CTNNA1: variants seen among roughly 807,000 people sequenced by gnomAD.
The protein encoded by CTNNA1 is catenin alpha-1.
In CTNNA1, 37 loss-of-function variants were observed where a neutral mutation model predicts 98.4. The ratio of observed to expected loss-of-function variants is 0.38; its 90% CI spans 0.29 to 0.49. The LOEUF (loss-of-function observed/expected upper bound fraction) is 0.49. Among genes scored for constraint, CTNNA1 ranks in the 20% least tolerant of loss-of-function variants. The pLI, the probability that CTNNA1 is intolerant of heterozygous loss-of-function variation, is 0.95. For missense variants in CTNNA1, 761 were observed against 1,147.2 expected, an observed-to-expected ratio of 0.66 and a Z score of 4.86; for synonymous variants, 404 against 413.2, an observed-to-expected ratio of 0.98 and a Z score of 0.27.
intron 7 of CTNNA1, among the ~76,000 whole-genome samples, chr5:138,839,049 GC>G (rs1485896578): frequency 6.6e-6 from 1 of 152,052 alleles, no homozygotes; most frequent in Admixed American, 6.5e-5. Flanking sequence ...AGATTTTCTT[GC>G]TATGTTTCTG....
chr5:138,854,110 A>G (rs1344214158), intron 7 of CTNNA1, among the ~76,000 whole-genome samples: 1 of 152,198 alleles, frequency 6.6e-6, no homozygotes, highest in Admixed American at 6.5e-5. Flanking sequence ...CATCTGCAAG[A>G]CTTTCGTACT....
intron 7 of CTNNA1, 70 bp downstream of exon 7, chr5:138,827,788 T>C: frequency 6.4e-7 from 1 of 1,567,804 alleles, no homozygotes; most frequent in Non-Finnish European, 8.7e-7. Flanking sequence ...ATGTTGGATC[T>C]GAGATGTTTT....
intron 1 of CTNNA1, among the ~76,000 whole-genome samples, chr5:138,778,886 GTT>G (rs112862618): frequency 2.0e-5 from 3 of 148,418 alleles, no homozygotes; most frequent in African/African-American, 7.4e-5. Flanking sequence ...TCAAAGTTAC[GTT>G]TTTTTTTTGA....
chr5:138,850,895 A>T (rs28363429), intron 7 of CTNNA1, among the ~76,000 whole-genome samples: 287 of 152,366 alleles, frequency 1.9e-3, no homozygotes, highest in African/African-American at 6.7e-3. Context: ...GATTGATATT[A>T]GTTTCTGCTT....
intron 9 of CTNNA1, among the ~76,000 whole-genome samples, chr5:138,903,146 GT>G (rs1312735400): frequency 6.6e-6 from 1 of 152,054 alleles, no homozygotes; most frequent in Non-Finnish European, 1.5e-5. Context: ...ACATTTTTAT[GT>G]TTAAATTGCA....
At chr5:138,825,482 G>GTTTTCTTTTTTTTTT (rs1760581190) in intron 6 of CTNNA1, among the ~76,000 whole-genome samples, 1 of 74,114 alleles carries the variant, frequency 1.3e-5, no homozygotes, top group South Asian at 5.3e-4. Context: ...AGCAGTATAA[G>GTTTTCTTTTTTTTTT]TTTTTTTTTT....
chr5:138,836,443 T>G (rs1307531657), intron 7 of CTNNA1, among the ~76,000 whole-genome samples: 1 of 152,220 alleles, frequency 6.6e-6, no homozygotes, highest in Non-Finnish European at 1.5e-5. Context: ...TCTTCATAAC[T>G]CTGAGAAAGA....
chr5:138,929,959 G>C (rs1764947848), intron 14 of CTNNA1, among the ~76,000 whole-genome samples: 1 of 152,314 alleles, frequency 6.6e-6, no homozygotes, highest in African/African-American at 2.4e-5. Context: ...GAGCTCCCCA[G>C]CCGTAGGTCT....
At chr5:138,849,526 C>G (rs1763007584) in intron 7 of CTNNA1, among the ~76,000 whole-genome samples, 1 of 152,194 alleles carries the variant, frequency 6.6e-6, no homozygotes, top group African/African-American at 2.4e-5. Context: ...CTTTAGAGCT[C>G]TTAAACCTCT....
rs141537860 is a variant in CTNNA1, at chr5:138,841,715, A to G, written c.1062+13997A>G. 4.8e-3 allele frequency among the ~76,000 whole-genome samples: 726 copies of G among 152,354 alleles called. 3 individuals are homozygous for G. Among genetic ancestry groups the G allele is most frequent in the African/African-American group, 0.015 (611 of 41,590 alleles). On this transcript the variant is annotated intron_variant, in intron 7 of 17. Coordinates refer to ENST00000302763, the MANE Select transcript of CTNNA1 (RefSeq NM_001903.5). ...CCTTTGAGTTACTTTATGCTGAAATAACATCTGGTCAGTAAATATCCTACA... is the reference window on the plus strand; with the variant it reads ...CCTTTGAGTTACTTTATGCTGAAATGACATCTGGTCAGTAAATATCCTACA...
At chr5:138,777,044 G>A (rs1438083411) in intron 1 of CTNNA1, among the ~76,000 whole-genome samples, 9 of 152,122 alleles carry the variant, frequency 5.9e-5, no homozygotes, top group East Asian at 1.9e-4. Context: ...GGGCAGAGAC[G>A]CTCCTCACTT....
chr5:138,848,338 A>T (rs982031239), intron 7 of CTNNA1, among the ~76,000 whole-genome samples: 1 of 152,242 alleles, frequency 6.6e-6, no homozygotes, highest in Non-Finnish European at 1.5e-5. Flanking sequence ...TGTTACTATT[A>T]ACATTGCTAT....
chr5:138,898,532 T>G (rs146203345), intron 9 of CTNNA1, among the ~76,000 whole-genome samples: 1 of 151,904 alleles, frequency 6.6e-6, no homozygotes, highest in East Asian at 1.9e-4. Flanking sequence ...TGGAAATGAT[T>G]ACAAGATCAT....
chr5:138,881,608 G>A (rs869312567), intron 7 of CTNNA1, among the ~76,000 whole-genome samples: 2 of 152,166 alleles, frequency 1.3e-5, no homozygotes, highest in Non-Finnish European at 2.9e-5. Context: ...CAACAGCTTG[G>A]TTATCACTTC....
intron 13 of CTNNA1, among the ~76,000 whole-genome samples, chr5:138,928,381 T>G (rs191927405): frequency 1.3e-5 from 2 of 151,936 alleles, no homozygotes; most frequent in Admixed American, 1.3e-4. Context: ...CCTGCCATAT[T>G]CTCCCCTCTT....
intron 16 of CTNNA1, chr5:138,931,756 T>G: frequency 3.0e-6 from 3 of 985,578 alleles, no homozygotes; most frequent in Non-Finnish European, 3.6e-6. Flanking sequence ...GCAGATCACA[T>G]GGCTCTGCCC....
At chr5:138,859,091 T>C (rs1764019994) in intron 7 of CTNNA1, among the ~76,000 whole-genome samples, 1 of 152,258 alleles carries the variant, frequency 6.6e-6, no homozygotes, top group Admixed American at 6.5e-5. Flanking sequence ...GTTATTGTAG[T>C]CATCATTCTG....
At position 138,764,926 on chromosome 5, in the gene CTNNA1, T is replaced by C. The variant is rs888321145; in HGVS notation, c.-3+11416T>C. 6.1e-5 allele frequency among the ~76,000 whole-genome samples: 8 copies of C among 131,654 alleles called. No individual in the cohort carries two copies. In the South Asian group the frequency reaches 7.0e-4, roughly 12 times the overall value. The allele number at this position is 131,654 out of a possible 152,430, so 86.4% of individuals were successfully genotyped here. A position where few individuals can be genotyped will look rare whatever the true frequency, so the allele number is the denominator to read the frequency against. On this transcript the variant is annotated intron_variant, in intron 1 of 17. Transcript: ENST00000302763. ...CCTGTCGCCCATGCTGGAGTGGGAG[T>C]GCAGTGATGCGATCTCTCTTCACTG...
chr5:138,907,969 C>CT (rs199581293), intron 10 of CTNNA1, among the ~76,000 whole-genome samples: 106 of 149,156 alleles, frequency 7.1e-4, no homozygotes, highest in South Asian at 1.7e-3. Flanking sequence ...CCCATCCGCC[C>CT]TTTTTTTTTT....
Sources: gnomAD v4.1 joint callset for allele counts (sites outside exome capture counted in the v4.1 genomes callset) on GRCh38, gnomAD v4.1.1 for gene constraint, MANE v1.5 for transcripts, NCBI Gene and HGNC (gene_info 2026-07-23, HGNC 2026-07-21) for gene names.